HS6ST3: variants seen among roughly 807,000 people sequenced by gnomAD.
HS6ST3 encodes the protein heparan-sulfate 6-O-sulfotransferase 3.
HS6ST3 carries 12 observed loss-of-function variants against 36.7 expected under a neutral mutation model. The observed-to-expected ratio is 0.33, with a 90% CI of 0.21 to 0.53. The LOEUF is 0.53. HS6ST3 is among the 20% of genes least tolerant of loss of function. HS6ST3 has a pLI of 0.95. For missense variants in HS6ST3, 584 were observed against 640.9 expected (o/e 0.91, Z 0.96); for synonymous variants, 240 against 257.5 (o/e 0.93, Z 0.65).
chr13:96,378,822 C>G (rs2055327013), intron 1 of HS6ST3, among the ~76,000 whole-genome samples: 1 of 152,100 alleles, frequency 6.6e-6, no homozygotes, highest in Admixed American at 6.6e-5. Flanking sequence ...CTAATTTTTA[C>G]AAAAATACTG....
chr13:96,227,997 G>A (rs1455776725), intron 1 of HS6ST3, among the ~76,000 whole-genome samples: 1 of 152,090 alleles, frequency 6.6e-6, no homozygotes, highest in Non-Finnish European at 1.5e-5. Flanking sequence ...GGTATGTTGA[G>A]GGCATATTTT....
chr13:96,759,249 A>AT (rs1313360721), intron 1 of HS6ST3, among the ~76,000 whole-genome samples: 1 of 151,850 alleles, frequency 6.6e-6, no homozygotes, highest in African/African-American at 2.4e-5. Context: ...CAGTTGGAAA[A>AT]TTGCTGCCTT....
intron 1 of HS6ST3, among the ~76,000 whole-genome samples, chr13:96,412,868 C>G (rs910089569): frequency 2.7e-5 from 4 of 150,022 alleles, no homozygotes; most frequent in African/African-American, 9.7e-5. Flanking sequence ...TATATAAAAA[C>G]ATATATAAGC....
intron 1 of HS6ST3, among the ~76,000 whole-genome samples, chr13:96,832,231 C>A (rs956227502): frequency 6.6e-6 from 1 of 152,110 alleles, no homozygotes; most frequent in African/African-American, 2.4e-5. Flanking sequence ...AATGAATGAA[C>A]TATCTATTCT....
At chr13:96,676,779 C>A (rs2056700244) in intron 1 of HS6ST3, among the ~76,000 whole-genome samples, 1 of 152,084 alleles carries the variant, frequency 6.6e-6, no homozygotes, top group South Asian at 2.1e-4. Context: ...ATAAATGACA[C>A]CTTCTTCTCT....
intron 1 of HS6ST3, among the ~76,000 whole-genome samples, chr13:96,231,458 A>G (rs1162614035): frequency 2.0e-5 from 3 of 152,156 alleles, no homozygotes; most frequent in Non-Finnish European, 4.4e-5. Flanking sequence ...ACTTATAACT[A>G]TGGCAGAAAG....
In HS6ST3 at chr13:96,657,090, C is replaced by T. The variant is rs1023232213; in HGVS notation, c.708-175400C>T. On this transcript the variant is annotated intron_variant, in intron 1 of 1. Transcript: ENST00000376705. ...CACACCTGGGATGTGCCTCAAATGG[C>T]AAAGCAGGAAATAATCAAAGGTAGA... Among the ~76,000 whole-genome samples, 3 of 151,212 alleles carry T rather than the reference C, an allele frequency of 2.0e-5. No individual in the cohort carries two copies. In the East Asian group the frequency reaches 5.8e-4, roughly 29 times the overall value.
chr13:96,105,173 T>C (rs1594677548), intron 1 of HS6ST3, among the ~76,000 whole-genome samples: 1 of 152,004 alleles, frequency 6.6e-6, no homozygotes, highest in Admixed American at 6.5e-5. Flanking sequence ...TAATTTGTGC[T>C]GTCACACCCA....
At chr13:96,802,470 A>C (rs1022018935) in intron 1 of HS6ST3, among the ~76,000 whole-genome samples, 1 of 152,008 alleles carries the variant, frequency 6.6e-6, no homozygotes. Flanking sequence ...CTTCATACAT[A>C]CTCTTTTTCC....
At chr13:96,302,474 A>T (rs1187952838) in intron 1 of HS6ST3, among the ~76,000 whole-genome samples, 3 of 152,174 alleles carry the variant, frequency 2.0e-5, no homozygotes, top group Non-Finnish European at 4.4e-5. Context: ...ATAAATGGTT[A>T]TTTATAACTC....
intron 1 of HS6ST3, among the ~76,000 whole-genome samples, chr13:96,653,209 A>T (rs190415612): frequency 6.6e-6 from 1 of 151,670 alleles, no homozygotes; most frequent in East Asian, 1.9e-4. Flanking sequence ...TTCTTTTTAT[A>T]TATTTTTTTT....
rs1048949417 is a variant in HS6ST3, at chr13:96,398,848, T to G, written c.707+307279T>G. ...GCAGTTGCTGGCCCTGGAGGCTGCC[T>G]CTAGGACAGTTCTAGGAGCTGAGGG... On this transcript the variant is annotated intron_variant, in intron 1 of 1. Coordinates refer to ENST00000376705, the MANE Select transcript of HS6ST3 (RefSeq NM_153456.4). 2.0e-5 allele frequency among the ~76,000 whole-genome samples: 3 copies of G among 152,182 alleles called. No homozygotes were observed. The South Asian group carries it at 6.2e-4, about 32-fold the overall frequency.
At chr13:96,404,623 G>T (rs1199685522) in intron 1 of HS6ST3, among the ~76,000 whole-genome samples, 1 of 152,216 alleles carries the variant, frequency 6.6e-6, no homozygotes, top group East Asian at 1.9e-4. Flanking sequence ...TCTGGGAGTT[G>T]TAGGGCACCA....
chr13:96,696,091 G>T (rs1018587684), intron 1 of HS6ST3, among the ~76,000 whole-genome samples: 19 of 152,178 alleles, frequency 1.2e-4, no homozygotes, highest in Admixed American at 7.2e-4. Context: ...AATTGTAGGA[G>T]ATATGTATTA....
chr13:96,236,281 C>T (rs887773960), intron 1 of HS6ST3, among the ~76,000 whole-genome samples: 6 of 152,162 alleles, frequency 3.9e-5, no homozygotes, highest in East Asian at 1.9e-4. Context: ...TAGCAACACC[C>T]GCACAGACGC....
At chr13:96,398,653 A>T (rs1433225451) in intron 1 of HS6ST3, among the ~76,000 whole-genome samples, 1 of 152,138 alleles carries the variant, frequency 6.6e-6, no homozygotes, top group Non-Finnish European at 1.5e-5. Context: ...TACCTTTCAT[A>T]TTGTGGGAAC....
intron 1 of HS6ST3, among the ~76,000 whole-genome samples, chr13:96,181,768 A>G (rs146514058): frequency 0.012 from 1,784 of 152,108 alleles, 30 homozygotes; most frequent in African/African-American, 0.041. Context: ...GTTGGCTAGA[A>G]CCCCCGCCCT....
In HS6ST3 at chr13:96,835,285, C is replaced by T. The variant is rs1477494761; in HGVS notation, c.*2087C>T. On this transcript the variant is annotated 3_prime_UTR_variant, in exon 2 of 2. Transcript: ENST00000376705. ...CAGAGCCATACTGCCTTGGGTCAGT[C>T]CAGCCCCCTCCACATCACTGAGCCA... is the stretch of plus-strand genomic sequence containing the variant. 1 of 152,394 alleles carries T rather than the reference C, an allele frequency of 6.6e-6. No homozygotes were observed. Among genetic ancestry groups the T allele is most frequent in the Non-Finnish European group, 1.5e-5 (1 of 68,168 alleles). The allele number at this position is 152,394 out of a possible 1,614,324, so 9.4% of individuals were successfully genotyped here.
intron 1 of HS6ST3, among the ~76,000 whole-genome samples, chr13:96,750,349 A>G (rs963954452): frequency 7.2e-5 from 11 of 152,192 alleles, no homozygotes; most frequent in Non-Finnish European, 1.5e-4. Flanking sequence ...CTTCCGTGAC[A>G]CTGAACTGGT....
Sources: allele counts gnomAD v4.1 joint callset (sites outside exome capture counted in the v4.1 genomes callset), GRCh38; gene constraint gnomAD v4.1.1; transcripts MANE v1.5; gene names NCBI Gene and HGNC (gene_info 2026-07-23, HGNC 2026-07-21).